Variants in GATAD2B observed in about 807,000 individuals in gnomAD.
GATAD2B encodes the protein transcriptional repressor p66-beta.
Under a neutral mutation model 64.3 loss-of-function variants are expected in GATAD2B, and 8 were observed. That is an observed-to-expected ratio of 0.12 (90% confidence interval 0.07 to 0.22). The LOEUF (loss-of-function observed/expected upper bound fraction) is 0.22, where lower values mean the gene tolerates loss of function less well. Among genes scored for constraint, GATAD2B ranks in the 10% least tolerant of loss-of-function variants. GATAD2B has a pLI of 1.00. For synonymous variants in GATAD2B, 281 were observed against 271.3 expected (o/e 1.04, Z -0.35); for missense variants, 453 against 752.0 (o/e 0.60, Z 4.65).
intron 1 of GATAD2B, among the ~76,000 whole-genome samples, 193 bp downstream of exon 1, chr1:153,922,540 G>T (rs1315196408): frequency 1.4e-5 from 2 of 146,764 alleles, no homozygotes; most frequent in Non-Finnish European, 3.0e-5. Context: ...TGCCGGGGTG[G>T]GGGGAGGGGG....
chr1:153,919,132 G>C (rs13374471), intron 1 of GATAD2B, among the ~76,000 whole-genome samples: 3,064 of 152,242 alleles, frequency 0.02, 111 homozygotes, highest in African/African-American at 0.07. Flanking sequence ...ATGATTCTTT[G>C]AGGTCTGGAT....
In GATAD2B at chr1:153,809,135, C is replaced by A. The variant is rs909093959; in HGVS notation, c.*1042G>T. ...TATGTCCACCCAACTTGTGGGACAC[C>A]CAGCAAACAGCCTTGGAACAGCCGT... On this transcript the variant is annotated 3_prime_UTR_variant, in exon 11 of 11. Coordinates refer to ENST00000368655, the MANE Select transcript of GATAD2B (RefSeq NM_020699.4). The A allele has an allele frequency of 1.3e-5, 2 of 152,118 alleles. No homozygotes were observed. The highest frequency in any genetic ancestry group is 4.8e-5 in the African/African-American group (2 of 41,396). 9.4% of individuals were successfully genotyped at this position (152,118 alleles called of 1,614,324 possible). A position where few individuals can be genotyped will look rare whatever the true frequency, so the allele number is the denominator to read the frequency against.
intron 1 of GATAD2B, among the ~76,000 whole-genome samples, chr1:153,844,810 C>T (rs1412630428): frequency 1.3e-5 from 2 of 149,536 alleles, no homozygotes; most frequent in Non-Finnish European, 3.0e-5. Flanking sequence ...ATACCTAAGG[C>T]TAGATGACGA....
intron 1 of GATAD2B, among the ~76,000 whole-genome samples, chr1:153,901,888 A>T (rs1677787366): frequency 1.3e-5 from 2 of 150,184 alleles, no homozygotes; most frequent in South Asian, 4.2e-4. Flanking sequence ...CTACAGCCAT[A>T]CCACCCTGAA....
rs750751915 is a variant in GATAD2B at position 153,881,423 on chromosome 1, C to T, written c.-2+41310G>A. The stretch of plus-strand genomic sequence containing the variant: ...AAGCCAGAGACCCTTACCATTATAG[C>T]AAATGGATGAAGCAGAGGGAAAGAA... On this transcript the variant is annotated intron_variant, in intron 1 of 10. Coordinates refer to ENST00000368655, the MANE Select transcript of GATAD2B (RefSeq NM_020699.4). 4.1e-4 allele frequency among the ~76,000 whole-genome samples: 63 copies of T among 152,160 alleles called. 1 individual carries two copies. The highest frequency in any genetic ancestry group is 3.9e-3 in the Admixed American group (60 of 15,264).
chr1:153,901,052 A>G (rs1206898218), intron 1 of GATAD2B, among the ~76,000 whole-genome samples: 1 of 152,040 alleles, frequency 6.6e-6, no homozygotes, highest in Admixed American at 6.6e-5. Flanking sequence ...CATCTCTACT[A>G]AAAATACAAA....
In GATAD2B at chr1:153,861,809, T is replaced by C. The variant is rs753207537; in HGVS notation, c.-1-33461A>G. ...AAAAAAAAAAAAATATATATATATATACACATATGTATATATATGTATATG... is the reference window on the plus strand; with the variant it reads ...AAAAAAAAAAAAATATATATATATACACACATATGTATATATATGTATATG... On this transcript the variant is annotated intron_variant, in intron 1 of 10. Transcript: ENST00000368655. 2.0e-3 allele frequency among the ~76,000 whole-genome samples: 249 copies of C among 122,050 alleles called. 5 individuals carry two copies. The highest frequency in any genetic ancestry group is 5.1e-3 in the East Asian group (21 of 4,136). The allele number at this position is 122,050 out of a possible 152,430, so 80.1% of individuals were successfully genotyped here. A position where few individuals can be genotyped will look rare whatever the true frequency, so the allele number is the denominator to read the frequency against.
At chr1:153,841,014 A>G (rs980003881) in intron 1 of GATAD2B, among the ~76,000 whole-genome samples, 2 of 151,636 alleles carry the variant, frequency 1.3e-5, no homozygotes, top group African/African-American at 4.9e-5. Flanking sequence ...AGTCTGAGCT[A>G]CTCAGGAAGC....
intron 1 of GATAD2B, among the ~76,000 whole-genome samples, chr1:153,895,272 T>G (rs1241838051): frequency 6.7e-6 from 1 of 149,390 alleles, no homozygotes; most frequent in African/African-American, 2.5e-5. Flanking sequence ...AGGCAGAGGG[T>G]GCAGTGAGCC....
intron 10 of GATAD2B, 200 bp downstream of exon 10, chr1:153,811,531 A>T (rs1344524795): frequency 1.5e-6 from 1 of 648,410 alleles, no homozygotes; most frequent in Admixed American, 2.9e-5. Context: ...GGTCATTTTC[A>T]CCACCAAAAC....
At chr1:153,834,641 C>T (rs764690890) in intron 1 of GATAD2B, among the ~76,000 whole-genome samples, 1 of 152,126 alleles carries the variant, frequency 6.6e-6, no homozygotes, top group African/African-American at 2.4e-5. Flanking sequence ...CTGCCTGCCT[C>T]GGCTTCCCAA....
At chr1:153,851,147 C>A (rs997581313) in intron 1 of GATAD2B, among the ~76,000 whole-genome samples, 1 of 152,168 alleles carries the variant, frequency 6.6e-6, no homozygotes, top group African/African-American at 2.4e-5. Flanking sequence ...CCATTTGACT[C>A]TGTCAACCTA....
intron 1 of GATAD2B, among the ~76,000 whole-genome samples, chr1:153,838,088 C>G (rs7512766): frequency 6.6e-6 from 1 of 151,972 alleles, no homozygotes; most frequent in African/African-American, 2.4e-5. Flanking sequence ...AGAGATGTAT[C>G]CCAACTGCAA....
chr1:153,817,093 C>T (rs892463935), intron 6 of GATAD2B, among the ~76,000 whole-genome samples: 3 of 152,166 alleles, frequency 2.0e-5, no homozygotes, highest in Non-Finnish European at 4.4e-5. Flanking sequence ...CTTTCTGTCA[C>T]ACATCCTTGT....
At chr1:153,829,774 G>A (rs1354047866) in intron 1 of GATAD2B, among the ~76,000 whole-genome samples, 3 of 151,456 alleles carry the variant, frequency 2.0e-5, no homozygotes, top group Non-Finnish European at 4.4e-5. Flanking sequence ...AAATTAAAAA[G>A]ATTCTTTTCC....
chr1:153,883,861 T>C (rs1292914511), intron 1 of GATAD2B, among the ~76,000 whole-genome samples: 4 of 152,292 alleles, frequency 2.6e-5, no homozygotes, highest in Admixed American at 6.5e-5. Context: ...ATATGTTGGA[T>C]TGATTAGTAG....
At chr1:153,819,584 A>G in intron 3 of GATAD2B, 22 bp downstream of exon 3, 1 of 1,546,112 alleles carries the variant, frequency 6.5e-7, no homozygotes, top group South Asian at 1.2e-5. Context: ...ACAAGAAGAA[A>G]GAAATTTTTC....
At chr1:153,813,624 T>C (rs538389449) in intron 7 of GATAD2B, among the ~76,000 whole-genome samples, 172 bp from the exon 8 acceptor site, 1 of 152,340 alleles carries the variant, frequency 6.6e-6, no homozygotes, top group African/African-American at 2.4e-5. Flanking sequence ...TATAACAGTA[T>C]CACTTTAGGG....
chr1:153,900,768 T>C (rs977123481), intron 1 of GATAD2B, among the ~76,000 whole-genome samples: 5 of 152,160 alleles, frequency 3.3e-5, no homozygotes, highest in African/African-American at 1.2e-4. Flanking sequence ...ACTCTGACAT[T>C]GTAGCAGCAT....
Sources: allele counts gnomAD v4.1 joint callset (sites outside exome capture counted in the v4.1 genomes callset), GRCh38; gene constraint gnomAD v4.1.1; transcripts MANE v1.5; gene names NCBI Gene and HGNC (gene_info 2026-07-23, HGNC 2026-07-21).